UNC45A: variants seen among roughly 807,000 people sequenced by gnomAD.
UNC45A encodes unc-45 myosin chaperone A, also known as protein unc-45 homolog A.
In UNC45A, 78 loss-of-function variants were observed where a neutral mutation model predicts 103.2. The ratio of observed to expected loss-of-function variants is 0.76; its 90% CI spans 0.63 to 0.91. The LOEUF is 0.91. UNC45A is among the 40% of genes least tolerant of loss of function. The pLI is 0.00. For synonymous variants in UNC45A, 495 were observed against 504.6 expected (o/e 0.98, Z 0.25); for missense variants, 1,193 against 1,224.8 (o/e 0.97, Z 0.39).
At chr15:90,931,094 A>T, upstream of UNC45A, 1 of 657,298 alleles carries the variant, frequency 1.5e-6, no homozygotes, top group Non-Finnish European at 2.6e-6. Context: ...GATTCCCACC[A>T]CGCGGGGCTC....
At chr15:90,935,447 C>T in intron 1 of UNC45A, 72 bp downstream of exon 1, 2 of 1,576,304 alleles carry the variant, frequency 1.3e-6, no homozygotes, top group Non-Finnish European at 1.7e-6. Context: ...TTCTCCCCAT[C>T]CATGAGGCTC....
chr15:90,948,688 C>G lies in UNC45A; in HGVS notation c.1772C>G (p.Ser591Ter). ...EERSVLFAVA[S>*]ALVNCTNSYD... ...AGGTCAGTGCTCTTTGCGGTGGCCT[C>G]AGCGCTGGTGAACTGCACCAACAGC... The change falls in exon 13 of 20, where the codon TCA becomes TGA. Residue 591 changes from serine to a stop codon, truncating the protein, a stop_gained. Coordinates refer to ENST00000418476, the MANE Select transcript of UNC45A (RefSeq NM_018671.5). LOFTEE classifies it high-confidence loss of function. 6.2e-7 allele frequency: 1 copy of G among 1,614,076 alleles called. No individual in the cohort carries two copies. Among genetic ancestry groups the G allele is most frequent in the East Asian group, 2.2e-5 (1 of 44,880 alleles).
At chr15:90,943,977 T>C (rs1246810104) in intron 8 of UNC45A, among the ~76,000 whole-genome samples, 1 of 147,004 alleles carries the variant, frequency 6.8e-6, no homozygotes, top group Non-Finnish European at 1.5e-5. Flanking sequence ...TCATGAGCCA[T>C]TGTGCCCTGT....
At chr15:90,942,856 G>T in intron 7 of UNC45A, 56 bp from the exon 8 acceptor site, 1 of 1,549,220 alleles carries the variant, frequency 6.5e-7, no homozygotes, top group South Asian at 1.2e-5. Flanking sequence ...GAAGTTGAAG[G>T]GTCAAACTGG....
intron 4 of UNC45A, among the ~76,000 whole-genome samples, chr15:90,937,885 C>T (rs1196562206): frequency 6.1e-4 from 93 of 152,150 alleles, no homozygotes; most frequent in Non-Finnish European, 1.8e-4. Flanking sequence ...CAACCTCTTC[C>T]TCCCGGGCTC....
rs2036228262 is a variant in UNC45A at position 90,940,348 on chromosome 15, G to A, written c.562G>A (p.Ala188Thr). 1.2e-6 allele frequency: 2 copies of A among 1,614,156 alleles called. No individual in the cohort carries two copies. Among genetic ancestry groups the A allele is most frequent in the Non-Finnish European group, 1.7e-6 (2 of 1,180,004 alleles). ...GGTGCTGGCCAGGGAGGATGCTGGAGCGGAGAAGATCTTCCGGAGTAATGG... is the reference window on the plus strand; with the variant it reads ...GGTGCTGGCCAGGGAGGATGCTGGAACGGAGAAGATCTTCCGGAGTAATGG... ...LVVLAREDAGAEKIFRSNGVQ... is the reference protein window; with the variant it reads ...LVVLAREDAGTEKIFRSNGVQ... Residue 188 changes from alanine (A) to threonine (T), a missense_variant, in exon 6 of 20, where the codon GCG becomes ACG. By Grantham distance (58) the Ala-to-Thr change is moderately conservative (BLOSUM62 0). Coordinates refer to ENST00000418476, the MANE Select transcript of UNC45A (RefSeq NM_018671.5).
chr15:90,942,302 T>C, intron 6 of UNC45A, 135 bp from the exon 7 acceptor site: 2 of 1,000,570 alleles, frequency 2.0e-6, no homozygotes, highest in East Asian at 4.8e-5. Flanking sequence ...ATCCATTCTG[T>C]GTTGTTTTCA....
At chr15:90,939,902 T>A in intron 5 of UNC45A, 79 bp downstream of exon 5, 1 of 1,293,920 alleles carries the variant, frequency 7.7e-7, no homozygotes, top group Non-Finnish European at 1.0e-6. Flanking sequence ...CACTGCTGCC[T>A]TGCTCTGCCG....
chr15:90,939,293 A>G (rs938894940), intron 4 of UNC45A, among the ~76,000 whole-genome samples: 2 of 152,182 alleles, frequency 1.3e-5, no homozygotes, highest in African/African-American at 2.4e-5. Flanking sequence ...GATTATTTTT[A>G]AAACAGTGAA....
intron 18 of UNC45A, 33 bp from the exon 19 acceptor site, chr15:90,953,122 C>A (rs769184246): frequency 1.2e-6 from 2 of 1,612,900 alleles, no homozygotes; most frequent in Admixed American, 1.7e-5. Context: ...TTACACCCAA[C>A]TGACTTGGTC....
chr15:90,932,976 AC>A (rs35180198), upstream of UNC45A: 19,449 of 160,186 alleles, frequency 0.12, 1,717 homozygotes, highest in East Asian at 0.41. Context: ...ACCATCTTCA[AC>A]CTGTAAAAGC....
At chr15:90,949,098 G>A (rs1329351413) in intron 13 of UNC45A, among the ~76,000 whole-genome samples, 2 of 151,948 alleles carry the variant, frequency 1.3e-5, no homozygotes, top group Non-Finnish European at 2.9e-5. Context: ...GGATGATCTC[G>A]ATCTCCTGAC....
upstream of UNC45A, chr15:90,932,601 C>T (rs1596202318): frequency 9.2e-7 from 1 of 1,086,230 alleles, no homozygotes; most frequent in Non-Finnish European, 1.2e-6. Flanking sequence ...TACAGCGCCC[C>T]CTGGCGCCGG....
At chr15:90,952,807 C>T (rs567607949) in intron 17 of UNC45A, 122 bp from the exon 18 acceptor site, 9 of 827,984 alleles carry the variant, frequency 1.1e-5, no homozygotes, top group East Asian at 1.1e-4. Context: ...GGGACCCATC[C>T]CATGACCCAG....
At chr15:90,952,897 T>C in intron 17 of UNC45A, 32 bp from the exon 18 acceptor site, 3 of 1,595,062 alleles carry the variant, frequency 1.9e-6, no homozygotes, top group Non-Finnish European at 2.6e-6. Flanking sequence ...ATCCAAACCG[T>C]ATCCCTGCTG....
At chr15:90,950,410 C>G (rs2036835681) in intron 16 of UNC45A, 90 bp from the exon 17 acceptor site, 2 of 1,487,162 alleles carry the variant, frequency 1.3e-6, no homozygotes, top group South Asian at 1.2e-5. Flanking sequence ...GACAGCAGTA[C>G]TCTCTTGGGG....
At chr15:90,935,839 G>T (rs2289618) in intron 2 of UNC45A, 107 bp from the exon 3 acceptor site, 14 of 1,578,738 alleles carry the variant, frequency 8.9e-6, no homozygotes, top group African/African-American at 1.3e-5. Context: ...GCACCTCAGG[G>T]TGGTGGGGGA....
intron 10 of UNC45A, 132 bp from the exon 11 acceptor site, chr15:90,947,664 G>A (rs12915155): frequency 1.6e-6 from 1 of 642,194 alleles, no homozygotes. Context: ...GGAGGGAGAG[G>A]GTGCTGATTT....
intron 2 of UNC45A, 77 bp from the exon 3 acceptor site, chr15:90,935,869 G>A (rs2035988855): frequency 1.2e-6 from 2 of 1,605,784 alleles, no homozygotes; most frequent in South Asian, 2.2e-5. Flanking sequence ...CTTGGAGAGC[G>A]AGAGTACCCC....
Sources: gnomAD v4.1 joint callset for allele counts (sites outside exome capture counted in the v4.1 genomes callset) on GRCh38, gnomAD v4.1.1 for gene constraint, MANE v1.5 for transcripts, NCBI Gene and HGNC (gene_info 2026-07-23, HGNC 2026-07-21) for gene names.